CREB5: variants seen among roughly 807,000 people sequenced by gnomAD.
The protein encoded by CREB5 is cAMP responsive element binding protein 5.
CREB5 carries 19 observed loss-of-function variants against 57.1 expected under a neutral mutation model. That is an observed-to-expected ratio of 0.33 (90% CI 0.23 to 0.49). The LOEUF (loss-of-function observed/expected upper bound fraction) is 0.49. Among genes scored for constraint, CREB5 ranks in the 20% least tolerant of loss-of-function variants. The probability of loss-of-function intolerance (pLI) is 0.99; values close to 1 mark genes in which losing one functional copy is unlikely to be tolerated. For synonymous variants in CREB5, 238 were observed against 238.3 expected, an observed-to-expected ratio of 1.00 and a Z score of 0.01; for missense variants, 579 against 671.6, an observed-to-expected ratio of 0.86 and a Z score of 1.52.
chr7:28,538,152 C>T (rs976194455), intron 4 of CREB5, among the ~76,000 whole-genome samples: 1 of 152,266 alleles, frequency 6.6e-6, no homozygotes, highest in East Asian at 1.9e-4. Flanking sequence ...CTCCCGGGTC[C>T]AAGTGATTCT....
intron 1 of CREB5, among the ~76,000 whole-genome samples, chr7:28,304,432 T>C (rs761594476): frequency 2.0e-5 from 3 of 152,334 alleles, no homozygotes; most frequent in Non-Finnish European, 2.9e-5. Flanking sequence ...TCCCTTTTCA[T>C]CTCCTCTTTC....
chr7:28,547,161 C>T (rs1429534820), intron 4 of CREB5, among the ~76,000 whole-genome samples: 2 of 152,198 alleles, frequency 1.3e-5, no homozygotes, highest in Non-Finnish European at 2.9e-5. Context: ...ATTCTTGTAT[C>T]GACCTGTGTG....
chr7:28,651,047 A>ATTGC (rs1387881174), intron 5 of CREB5, among the ~76,000 whole-genome samples: 2 of 152,336 alleles, frequency 1.3e-5, no homozygotes, highest in East Asian at 3.9e-4. Context: ...GAATGGGAAT[A>ATTGC]TAAAGACAGT....
intron 7 of CREB5, among the ~76,000 whole-genome samples, chr7:28,801,753 T>C (rs6956592): frequency 0.85 from 129,937 of 152,140 alleles, 56,350 homozygotes; most frequent in African/African-American, 0.96. Flanking sequence ...AATCATTGCT[T>C]AAAATTGGAG....
chr7:28,493,869 C>T (rs1163479902), intron 2 of CREB5, among the ~76,000 whole-genome samples: 1 of 152,120 alleles, frequency 6.6e-6, no homozygotes, highest in Non-Finnish European at 1.5e-5. Flanking sequence ...TGTCATGTTA[C>T]TCTAAAATCA....
At chr7:28,321,061 C>T (rs1413049510) in intron 1 of CREB5, among the ~76,000 whole-genome samples, 1 of 152,146 alleles carries the variant, frequency 6.6e-6, no homozygotes, top group African/African-American at 2.4e-5. Context: ...CTCTCCTCAT[C>T]TGTACAATGG....
intron 5 of CREB5, among the ~76,000 whole-genome samples, chr7:28,683,264 C>T (rs532712222): frequency 6.6e-6 from 1 of 152,206 alleles, no homozygotes; most frequent in Non-Finnish European, 1.5e-5. Flanking sequence ...AGGATCTTGT[C>T]TCTCTTTAGC....
In CREB5 at chr7:28,560,951, C is replaced by CGTGCGT. The variant is rs1795208911; in HGVS notation, c.292-9411_292-9410insCGTGTG. 3.8e-4 allele frequency among the ~76,000 whole-genome samples: 15 copies of CGTGCGT among 38,980 alleles called. 3 individuals are homozygous for CGTGCGT. The highest frequency in any genetic ancestry group is 6.5e-4 in the African/African-American group (8 of 12,270). 25.6% of individuals were successfully genotyped at this position (38,980 alleles called of 152,430 possible). ...GTGCGTGTGTGCGTGCGTGTGTGTGCGTGTGTGTGCGTGTGTGTGTGCGTG... is the reference window on the plus strand; with the variant it reads ...GTGCGTGTGTGCGTGCGTGTGTGTGCGTGCGTGTGTGTGTGCGTGTGTGTGTGCGTG... On this transcript the variant is annotated intron_variant, in intron 4 of 10. Coordinates refer to ENST00000357727, the MANE Select transcript of CREB5 (RefSeq NM_182898.4).
intron 1 of CREB5, among the ~76,000 whole-genome samples, chr7:28,436,817 G>A (rs969249045): frequency 6.6e-6 from 1 of 152,146 alleles, no homozygotes; most frequent in Non-Finnish European, 1.5e-5. Context: ...CACACCATTT[G>A]ATTGTGAGAT....
intron 7 of CREB5, among the ~76,000 whole-genome samples, chr7:28,777,015 C>A (rs73077891): frequency 0.044 from 6,733 of 152,270 alleles, 214 homozygotes; most frequent in Middle Eastern, 0.075. Flanking sequence ...CCTTCATGCA[C>A]AAGTTTTTAT....
chr7:28,686,633 C>A (rs1021070162), intron 5 of CREB5, among the ~76,000 whole-genome samples: 3 of 152,112 alleles, frequency 2.0e-5, no homozygotes, highest in African/African-American at 7.2e-5. Flanking sequence ...AATGCAGGAA[C>A]CAATCGCTTG....
intron 1 of CREB5, among the ~76,000 whole-genome samples, chr7:28,308,572 G>C (rs549388151): frequency 6.6e-6 from 1 of 152,278 alleles, no homozygotes; most frequent in African/African-American, 2.4e-5. Context: ...CAGGCTGCCT[G>C]GTTCCGGTAT....
chr7:28,638,414 C>G (rs1798515063), intron 5 of CREB5, among the ~76,000 whole-genome samples: 1 of 151,268 alleles, frequency 6.6e-6, no homozygotes, highest in African/African-American at 2.4e-5. Context: ...GGCACAATCA[C>G]AGCTCACTCC....
At chr7:28,406,189 T>A (rs2128000477) in intron 1 of CREB5, among the ~76,000 whole-genome samples, 1 of 152,304 alleles carries the variant, frequency 6.6e-6, no homozygotes, top group Admixed American at 6.5e-5. Context: ...TGGGATGGTT[T>A]TATTCAGGCC....
chr7:28,670,628 T>C (rs1241355354), intron 5 of CREB5, among the ~76,000 whole-genome samples: 1 of 152,204 alleles, frequency 6.6e-6, no homozygotes, highest in Non-Finnish European at 1.5e-5. Context: ...ATGTAGCTTA[T>C]ATGAGGAAAT....
chr7:28,308,043 C>T (rs535246643), intron 1 of CREB5, among the ~76,000 whole-genome samples: 2 of 152,276 alleles, frequency 1.3e-5, no homozygotes, highest in South Asian at 4.1e-4. Flanking sequence ...AGAAACCTGG[C>T]ATCCCTGGTG....
chr7:28,454,983 G>A (rs575428732), intron 1 of CREB5, among the ~76,000 whole-genome samples: 13 of 152,262 alleles, frequency 8.5e-5, no homozygotes, highest in East Asian at 5.8e-4. Flanking sequence ...GTAATTGTGC[G>A]GAGTGGATCT....
At chr7:28,395,705 C>T (rs1459820098) in intron 1 of CREB5, among the ~76,000 whole-genome samples, 2 of 152,110 alleles carry the variant, frequency 1.3e-5, no homozygotes, top group East Asian at 1.9e-4. Flanking sequence ...ACCTTTTTAC[C>T]CTGGTGGGGC....
intron 1 of CREB5, among the ~76,000 whole-genome samples, chr7:28,303,667 A>G (rs1390372194): frequency 2.0e-5 from 3 of 152,236 alleles, no homozygotes; most frequent in African/African-American, 7.2e-5. Context: ...AATAGGATTG[A>G]TATAAATATC....
Sources: gnomAD v4.1 joint callset for allele counts (sites outside exome capture counted in the v4.1 genomes callset) on GRCh38, gnomAD v4.1.1 for gene constraint, MANE v1.5 for transcripts, NCBI Gene and HGNC (gene_info 2026-07-23, HGNC 2026-07-21) for gene names.